INSL3: variants seen among roughly 807,000 people sequenced by gnomAD.
INSL3 encodes the protein insulin-like 3.
In INSL3, 6 loss-of-function variants were observed where a neutral mutation model predicts 5.5. The ratio of observed to expected loss-of-function variants is 1.08; its 90% CI spans 0.59 to 2.14. The LOEUF (loss-of-function observed/expected upper bound fraction) is 2.14. Ranked by LOEUF, INSL3 falls within the 30% of genes most tolerant of loss-of-function variation. The pLI is 0.00. For synonymous variants in INSL3, 86 were observed against 82.1 expected, an observed-to-expected ratio of 1.05 and a Z score of -0.26; for missense variants, 178 against 184.7, an observed-to-expected ratio of 0.96 and a Z score of 0.21.
rs764759272 is a variant in INSL3, at chr19:17,817,037, C to T, written c.213G>A (p.Glu71=). 11 of 1,613,412 alleles carry T rather than the reference C, an allele frequency of 6.8e-6. No individual in the cohort carries two copies. In the South Asian group the frequency reaches 1.2e-4, roughly 18 times the overall value. Residue 71 remains glutamate (E), a synonymous_variant, in exon 2 of 2, where the codon GAG becomes GAA. Coordinates refer to ENST00000317306, the MANE Select transcript of INSL3 (RefSeq NM_005543.4). Reference sequence around the variant, plus strand: ...CCAGCCCATGGAGCAGATGTCGTCTCTCCAGCCACTGTAGCAACTCACCTG... The same window carrying T: ...CCAGCCCATGGAGCAGATGTCGTCTTTCCAGCCACTGTAGCAACTCACCTG... ...GGDRELLQWL[E]RRHLLHGLVA...
At position 17,816,858 on chromosome 19, in the gene INSL3, T is replaced by C. The variant is rs1419513570; in HGVS notation, c.392A>G (p.Tyr131Cys). ...GAGGCTGCACCCAAGGAGGAATCAG[T>C]AGGGACAGAGGGTCAGCAGGTCTTG... The part of the protein sequence containing the change: ...TQQDLLTLCP[Y>C] The change falls in exon 2 of 2, where the codon TAC (tyrosine) becomes TGC (cysteine). Residue 131 changes from tyrosine to cysteine, a missense_variant. By Grantham distance (194) the Tyr-to-Cys change is radical. Coordinates refer to ENST00000317306, the MANE Select transcript of INSL3 (RefSeq NM_005543.4). 1.9e-6 allele frequency: 3 copies of C among 1,613,136 alleles called. No homozygotes were observed. Among genetic ancestry groups the C allele is most frequent in the African/African-American group, 2.7e-5 (2 of 74,994 alleles).
chr19:17,820,815 CTTTT>C (rs11339511), intron 1 of INSL3, among the ~76,000 whole-genome samples: 6 of 127,864 alleles, frequency 4.7e-5, no homozygotes, highest in Non-Finnish European at 8.2e-5. Flanking sequence ...TGAGGACTTT[CTTTT>C]TTTTTTTTTT....
rs761038970 is a variant in INSL3 at position 17,821,421 on chromosome 19, A to G, written c.86T>C (p.Met29Thr). ...FALGPAPTPEMREKLCGHHFV... is the reference protein window; with the variant it reads ...FALGPAPTPETREKLCGHHFV... The stretch of plus-strand genomic sequence containing the variant: ...GTGGTGGCCGCACAACTTCTCACGC[A>G]TCTCTGGGGTGGGCGCGGGGCCCAA... The change falls in exon 1 of 2, where the codon ATG (methionine) becomes ACG (threonine). Residue 29 changes from methionine to threonine, a missense_variant. By Grantham distance (81) the Met-to-Thr change is moderately conservative (BLOSUM62 -1). Transcript: ENST00000317306. 1.3e-6 allele frequency: 2 copies of G among 1,546,976 alleles called. No individual in the cohort carries two copies. Among genetic ancestry groups the G allele is most frequent in the Non-Finnish European group, 1.7e-6 (2 of 1,144,728 alleles).
intron 1 of INSL3, among the ~76,000 whole-genome samples, chr19:17,817,517 G>A (rs779029595): frequency 2.7e-5 from 4 of 147,516 alleles, no homozygotes; most frequent in South Asian, 2.1e-4. Flanking sequence ...GCACTGGCCC[G>A]GCTCAGTGGC....
At chr19:17,818,261 C>T (rs2094190741) in intron 1 of INSL3, among the ~76,000 whole-genome samples, 1 of 152,096 alleles carries the variant, frequency 6.6e-6, no homozygotes, top group African/African-American at 2.4e-5. Flanking sequence ...ACAAACTTGT[C>T]GTATATCCCT....
rs2094195622 is a variant in INSL3 at position 17,821,406 on chromosome 19, CACA to C, written c.98_100del (p.Leu33del). 6.5e-7 allele frequency: 1 copy of C among 1,547,910 alleles called. No homozygotes were observed. The highest frequency in any genetic ancestry group is 1.4e-5 in the African/African-American group (1 of 72,960). Reference sequence around the variant, plus strand: ...TAGCGCGCGTACGAAGTGGTGGCCGCACAACTTCTCACGCATCTCTGGGGTGGG... The same window carrying C: ...TAGCGCGCGTACGAAGTGGTGGCCGCACTTCTCACGCATCTCTGGGGTGGG... On this transcript the variant is annotated inframe_deletion, in exon 1 of 2. Coordinates refer to ENST00000317306, the MANE Select transcript of INSL3 (RefSeq NM_005543.4).
intron 1 of INSL3, chr19:17,820,307 T>A (rs1474992924): frequency 3.0e-6 from 1 of 337,324 alleles, no homozygotes; most frequent in Non-Finnish European, 5.6e-6. Context: ...AAAAATAAAA[T>A]AATAAAATAA....
chr19:17,817,101 G>A (rs2094188968), intron 1 of INSL3, 42 bp from the exon 2 acceptor site: 2 of 1,573,540 alleles, frequency 1.3e-6, no homozygotes, highest in African/African-American at 1.3e-5. Flanking sequence ...AAACGACAGA[G>A]GACATGCTAC....
Position 17,816,657 on chromosome 19 carries a change from G to A in INSL3, c.*197C>T. On this transcript the variant is annotated 3_prime_UTR_variant, in exon 2 of 2. Transcript: ENST00000317306. ...GAAAGCGGGGATCCTCCAAGCCAGGGCTAGGGTGTGATTTATTCTGCAGTT... is the reference window on the plus strand; with the variant it reads ...GAAAGCGGGGATCCTCCAAGCCAGGACTAGGGTGTGATTTATTCTGCAGTT... 1 of 622,062 alleles carries A rather than the reference G, an allele frequency of 1.6e-6. No individual in the cohort carries two copies. Among genetic ancestry groups the A allele is most frequent in the Middle Eastern group, 4.3e-4 (1 of 2,350 alleles). 38.5% of individuals were successfully genotyped at this position (622,062 alleles called of 1,614,324 possible).
At chr19:17,819,148 T>G (rs2094191955) in intron 1 of INSL3, among the ~76,000 whole-genome samples, 1 of 148,184 alleles carries the variant, frequency 6.7e-6, no homozygotes, top group Admixed American at 6.7e-5. Flanking sequence ...GTGGGCAGAT[T>G]GCTTGAGTCT....
intron 1 of INSL3, chr19:17,820,427 G>T (rs993263966): frequency 5.1e-5 from 19 of 375,960 alleles, no homozygotes; most frequent in African/African-American, 4.0e-4. Context: ...GAAGGTCAAG[G>T]TGGGAGGATT....
chr19:17,816,906 C>A lies in INSL3; in HGVS notation c.344G>T (p.Cys115Phe), dbSNP rs1426761819. The A allele has an allele frequency of 6.2e-7, 1 of 1,614,032 alleles. No individual in the cohort carries two copies. The highest frequency in any genetic ancestry group is 1.3e-5 in the African/African-American group (1 of 75,028). Reference protein sequence around the residue: ...RAAATNPARYCCLSGCTQQDL... With the variant: ...RAAATNPARYFCLSGCTQQDL... ...TTGTTGGGTACAGCCACTGAGGCAGCAGTAGCGTGCAGGGTTGGTGGCAGC... is the reference window on the plus strand; with the variant it reads ...TTGTTGGGTACAGCCACTGAGGCAGAAGTAGCGTGCAGGGTTGGTGGCAGC... The change falls in exon 2 of 2, where the codon TGC (cysteine) becomes TTC (phenylalanine). Residue 115 changes from cysteine to phenylalanine, a missense_variant. By Grantham distance (205) the Cys-to-Phe change is radical. Transcript: ENST00000317306.
At chr19:17,820,346 T>C (rs1160528333) in intron 1 of INSL3, 1 of 388,376 alleles carries the variant, frequency 2.6e-6, no homozygotes, top group Admixed American at 3.4e-5. Flanking sequence ...AGCAATACTT[T>C]TCAAAAGCAA....
At chr19:17,817,795 C>CAAAAAAA (rs58956953) in intron 1 of INSL3, among the ~76,000 whole-genome samples, 5,189 of 40,272 alleles carry the variant, frequency 0.13, 1,081 homozygotes, top group Non-Finnish European at 0.15. Context: ...AACTCCATCT[C>CAAAAAAA]AAAAAAAAAA....
intron 1 of INSL3, among the ~76,000 whole-genome samples, chr19:17,818,965 C>T (rs960006850): frequency 2.0e-5 from 3 of 151,532 alleles, no homozygotes; most frequent in Non-Finnish European, 4.4e-5. Flanking sequence ...ACCTCCACCT[C>T]CCGGGTTCAA....
chr19:17,820,854 C>T (rs945383455), intron 1 of INSL3, among the ~76,000 whole-genome samples: 5 of 150,832 alleles, frequency 3.3e-5, no homozygotes, highest in African/African-American at 9.7e-5. Flanking sequence ...CACTCTGTCG[C>T]CCAGGCTGGA....
chr19:17,817,795 C>CAAAAAAAAAAAA lies in INSL3; in HGVS notation c.191-748_191-737dup, dbSNP rs58956953. ...AGGTGACAAGAATGAAACTCCATCT[C>CAAAAAAAAAAAA]AAAAAAAAAAAAAAAAAAAAAAAGC... On this transcript the variant is annotated intron_variant, in intron 1 of 1. Transcript: ENST00000317306. Among the ~76,000 whole-genome samples the CAAAAAAAAAAAA allele has an allele frequency of 1.7e-4, 7 of 40,322 alleles. 1 individual carries two copies. The highest frequency in any genetic ancestry group is 2.6e-4 in the Non-Finnish European group (6 of 23,354). The allele number at this position is 40,322 out of a possible 152,430, so 26.5% of individuals were successfully genotyped here. A position where few individuals can be genotyped will look rare whatever the true frequency, so the allele number is the denominator to read the frequency against.
intron 1 of INSL3, among the ~76,000 whole-genome samples, chr19:17,821,101 G>A (rs570065935): frequency 1.1e-4 from 17 of 152,220 alleles, no homozygotes; most frequent in Non-Finnish European, 2.2e-4. Context: ...GATTGCAGGC[G>A]TGAGCCACCA....
intron 1 of INSL3, among the ~76,000 whole-genome samples, chr19:17,817,820 C>CAAAAAAAT (rs1568395411): frequency 6.8e-5 from 7 of 102,198 alleles, no homozygotes; most frequent in Admixed American, 1.1e-4. Context: ...AAAAAAAAAG[C>CAAAAAAAT]GAGCACTTAT....
Sources: allele counts gnomAD v4.1 joint callset (sites outside exome capture counted in the v4.1 genomes callset), GRCh38; gene constraint gnomAD v4.1.1; transcripts MANE v1.5; gene names NCBI Gene and HGNC (gene_info 2026-07-23, HGNC 2026-07-21).